IL1RL1: variants seen among roughly 807,000 people sequenced by gnomAD.
The protein encoded by IL1RL1 is interleukin 1 receptor like 1, also known as interleukin-1 receptor-like 1.
IL1RL1 carries 32 observed loss-of-function variants against 50.9 expected under a neutral mutation model. That is an observed-to-expected ratio of 0.63 (90% confidence interval 0.47 to 0.84). The LOEUF (loss-of-function observed/expected upper bound fraction) is 0.84. Ranked by LOEUF, IL1RL1 falls within the 40% of genes least tolerant of loss-of-function variation. The pLI is 0.00. For synonymous variants in IL1RL1, 275 were observed against 236.0 expected (o/e 1.17, Z -1.51); for missense variants, 773 against 662.9 (o/e 1.17, Z -1.82).
At chr2:102,341,352 C>A in intron 5 of IL1RL1, 2 of 1,210,196 alleles carry the variant, frequency 1.7e-6, no homozygotes, top group Non-Finnish European at 2.1e-6. Flanking sequence ...TCATCAATGG[C>A]CTTGAGTAAG....
intron 10 of IL1RL1, 94 bp from the exon 11 acceptor site, chr2:102,351,442 C>A: frequency 8.8e-7 from 1 of 1,138,412 alleles, no homozygotes; most frequent in South Asian, 1.6e-5. Context: ...GAATCTCACA[C>A]CAGATTATAA....
intron 1 of IL1RL1, among the ~76,000 whole-genome samples, chr2:102,327,560 A>G (rs1278284987): frequency 6.6e-6 from 1 of 152,042 alleles, no homozygotes. Flanking sequence ...ATCAATGAAT[A>G]CAGGAGCTGG....
chr2:102,341,168 C>CTTT (rs112164401), intron 5 of IL1RL1: 310 of 939,298 alleles, frequency 3.3e-4, no homozygotes, highest in South Asian at 9.1e-4. Context: ...GCAAAACCAG[C>CTTT]TTTTTTTTTT....
At chr2:102,323,378 A>G (rs934906704) in intron 1 of IL1RL1, among the ~76,000 whole-genome samples, 13 of 151,890 alleles carry the variant, frequency 8.6e-5, no homozygotes, top group Non-Finnish European at 1.6e-4. Flanking sequence ...TGATACATGT[A>G]TACTCCATTG....
intron 9 of IL1RL1, 89 bp from the exon 10 acceptor site, chr2:102,348,990 C>A: frequency 1.0e-6 from 1 of 960,886 alleles, no homozygotes; most frequent in Non-Finnish European, 1.6e-6. Flanking sequence ...CACCAACAGC[C>A]ATAAAACTTG....
chr2:102,342,584 G>T (rs1451886979), intron 6 of IL1RL1, among the ~76,000 whole-genome samples: 2 of 152,134 alleles, frequency 1.3e-5, no homozygotes, highest in Non-Finnish European at 2.9e-5. Flanking sequence ...ATGGAGACCT[G>T]CAGGGTGTTC....
intron 1 of IL1RL1, among the ~76,000 whole-genome samples, chr2:102,316,197 C>T (rs1457008049): frequency 1.3e-5 from 2 of 152,162 alleles, no homozygotes; most frequent in Non-Finnish European, 2.9e-5. Flanking sequence ...ATGTCTTGAG[C>T]ACAGAAAAAT....
intron 1 of IL1RL1, among the ~76,000 whole-genome samples, chr2:102,312,185 C>T (rs1025523704): frequency 2.9e-5 from 4 of 138,750 alleles, no homozygotes; most frequent in Admixed American, 8.0e-5. Context: ...AAACAATCTT[C>T]TGTTAAAAGA....
At chr2:102,350,947 C>A (rs1341973626) in intron 10 of IL1RL1, among the ~76,000 whole-genome samples, 1 of 152,170 alleles carries the variant, frequency 6.6e-6, no homozygotes, top group East Asian at 1.9e-4. Flanking sequence ...ATTGGAATCA[C>A]CATGGTGTCT....
intron 8 of IL1RL1, chr2:102,343,811 C>T (rs898035841): frequency 3.2e-5 from 33 of 1,045,708 alleles, no homozygotes; most frequent in Admixed American, 2.9e-4. Flanking sequence ...AAGCATGGTC[C>T]GTTCTATACC....
chr2:102,351,508 A>G (rs912116391), intron 10 of IL1RL1, 28 bp from the exon 11 acceptor site: 3 of 1,591,142 alleles, frequency 1.9e-6, no homozygotes, highest in Non-Finnish European at 8.6e-7. Context: ...GACTGATAAG[A>G]AATCTGATCT....
chr2:102,349,199 G>T lies in IL1RL1; in HGVS notation c.1238G>T (p.Cys413Phe), dbSNP rs771075377. The T allele has an allele frequency of 6.2e-7, 1 of 1,613,882 alleles. No homozygotes were observed. The highest frequency in any genetic ancestry group is 8.5e-7 in the Non-Finnish European group (1 of 1,179,816). The change falls in exon 10 of 11, where the codon TGT (cysteine) becomes TTT (phenylalanine). Residue 413 changes from cysteine to phenylalanine, a missense_variant. Cys to Phe is a radical substitution (Grantham distance 205). Coordinates refer to ENST00000233954, the MANE Select transcript of IL1RL1 (RefSeq NM_016232.5). ...CTGCCTGATGTTCTTGAAAATAAAT[G>T]TGGCTATACCTTATGCATTTATGGG... ...QILPDVLENK[C>F]GYTLCIYGRD... is the part of the protein sequence containing the mutation.
chr2:102,337,208 G>T (rs556539852), intron 1 of IL1RL1: 11 of 152,398 alleles, frequency 7.2e-5, no homozygotes, highest in Admixed American at 5.9e-4. Context: ...CAAATTTCAG[G>T]ATGGGAGGAG....
At chr2:102,339,178 A>C (rs1434145891) in intron 3 of IL1RL1, 131 bp downstream of exon 3, 1 of 652,270 alleles carries the variant, frequency 1.5e-6, no homozygotes, top group Non-Finnish European at 2.7e-6. Context: ...AAATGATTTG[A>C]ATAAAAGTGA....
Position 102,343,036 on chromosome 2 carries a change from GA to G in IL1RL1, c.689del (p.Asn230ThrfsTer4). 1 of 1,613,676 alleles carries G rather than the reference GA, an allele frequency of 6.2e-7. No individual in the cohort carries two copies. The highest frequency in any genetic ancestry group is 8.5e-7 in the Non-Finnish European group (1 of 1,179,854). The part of the protein sequence containing the change: ...AQNEIKEVEI[G>X]KNANLTCSAC... ...GGTGAATGTCCTTACTCCCCTCTAG[GA>G]AAAAACGCAAACCTAACTTGCTCTG... On this transcript the variant is annotated frameshift_variant and splice_region_variant, in exon 7 of 11. Transcript: ENST00000233954. LOFTEE classifies it high-confidence loss of function.
intron 1 of IL1RL1, among the ~76,000 whole-genome samples, chr2:102,324,771 G>C (rs1294083093): frequency 1.3e-5 from 2 of 152,220 alleles, no homozygotes; most frequent in Non-Finnish European, 2.9e-5. Context: ...AGCAGTCTGA[G>C]ATCAAACTGC....
At chr2:102,323,194 A>AG (rs1471231207) in intron 1 of IL1RL1, among the ~76,000 whole-genome samples, 1 of 149,590 alleles carries the variant, frequency 6.7e-6, no homozygotes, top group Non-Finnish European at 1.5e-5. Flanking sequence ...CTCTTGGGTA[A>AG]GGGGGGAGTT....
chr2:102,329,070 G>A (rs111640439), intron 1 of IL1RL1, among the ~76,000 whole-genome samples: 53 of 152,136 alleles, frequency 3.5e-4, no homozygotes, highest in East Asian at 2.3e-3. Flanking sequence ...GAGGCATCAC[G>A]CTACCTGACT....
Position 102,329,204 on chromosome 2 carries a change from T to C in IL1RL1, c.-149-8912T>C, listed in dbSNP as rs1677102839. Among the ~76,000 whole-genome samples the C allele has an allele frequency of 2.0e-5, 3 of 152,330 alleles. No homozygotes were observed. The South Asian group carries it at 6.2e-4, about 32-fold the overall frequency. On this transcript the variant is annotated intron_variant, in intron 1 of 10. Transcript: ENST00000233954. ...ATGCTGCATGTCTACAAGTATCTGA[T>C]CTTTGACAAACCTGACAAAAACAAG...
Sources: allele counts gnomAD v4.1 joint callset (sites outside exome capture counted in the v4.1 genomes callset), GRCh38; gene constraint gnomAD v4.1.1; transcripts MANE v1.5; gene names NCBI Gene and HGNC (gene_info 2026-07-23, HGNC 2026-07-21).